ADGRG6: variants seen among roughly 807,000 people sequenced by gnomAD.
ADGRG6 encodes the protein adhesion G protein-coupled receptor G6.
Under a neutral mutation model 142.4 loss-of-function variants are expected in ADGRG6, and 84 were observed. That is an observed-to-expected ratio of 0.59 (90% CI 0.49 to 0.71). The LOEUF is 0.71. Ranked by LOEUF, ADGRG6 falls within the 30% of genes least tolerant of loss-of-function variation. The pLI is 0.00. For synonymous variants in ADGRG6, 521 were observed against 520.5 expected (o/e 1.00, Z -0.01); for missense variants, 1,367 against 1,466.6 (o/e 0.93, Z 1.11).
chr6:142,304,036 T>A (rs1684090538), intron 1 of ADGRG6, among the ~76,000 whole-genome samples: 1 of 152,152 alleles, frequency 6.6e-6, no homozygotes, highest in South Asian at 2.1e-4. Context: ...GTAAGTATAT[T>A]TTTTTCCATT....
intron 2 of ADGRG6, among the ~76,000 whole-genome samples, chr6:142,336,039 C>T (rs1388162855): frequency 6.6e-6 from 1 of 152,144 alleles, no homozygotes; most frequent in Non-Finnish European, 1.5e-5. Context: ...TTACATTAGT[C>T]AAAGTTTTGC....
chr6:142,360,491 A>C (rs1186916060), intron 2 of ADGRG6, among the ~76,000 whole-genome samples: 1 of 152,162 alleles, frequency 6.6e-6, no homozygotes. Flanking sequence ...GTAGAGCAGC[A>C]GGTATAATAA....
chr6:142,410,751 A>G (rs1776041229), intron 17 of ADGRG6, among the ~76,000 whole-genome samples: 1 of 152,144 alleles, frequency 6.6e-6, no homozygotes, highest in South Asian at 2.1e-4. Context: ...ATCTTAAAAT[A>G]TTATTTAAAT....
At chr6:142,361,465 G>T (rs982336781) in intron 2 of ADGRG6, among the ~76,000 whole-genome samples, 48 of 152,146 alleles carry the variant, frequency 3.2e-4, no homozygotes, top group African/African-American at 1.1e-3. Context: ...TGCTTGGAGA[G>T]GGCTGAGAGG....
intron 2 of ADGRG6, among the ~76,000 whole-genome samples, chr6:142,320,469 T>C (rs12189801): frequency 0.11 from 16,378 of 152,074 alleles, 1,173 homozygotes; most frequent in Non-Finnish European, 0.16. Flanking sequence ...CTGAGTAACT[T>C]AGTAGCATGA....
Position 142,444,411 on chromosome 6 carries a change from GAC to G in ADGRG6, c.*902_*903del, listed in dbSNP as rs1777890386. On this transcript the variant is annotated 3_prime_UTR_variant, in exon 25 of 25. Transcript: ENST00000367609. ...ATGCAGTGGAATTTTCCTTTTAGGAGACACACAATTAAGACTCTCTGGTTCTG... is the reference window on the plus strand; with the variant it reads ...ATGCAGTGGAATTTTCCTTTTAGGAGACACAATTAAGACTCTCTGGTTCTG... The G allele has an allele frequency of 1.3e-5, 2 of 152,156 alleles. No individual in the cohort carries two copies. Among genetic ancestry groups the G allele is most frequent in the African/African-American group, 4.8e-5 (2 of 41,436 alleles). The allele number at this position is 152,156 out of a possible 1,614,324, so 9.4% of individuals were successfully genotyped here.
At chr6:142,342,555 G>A (rs1016677065) in intron 2 of ADGRG6, among the ~76,000 whole-genome samples, 3 of 152,038 alleles carry the variant, frequency 2.0e-5, no homozygotes, top group African/African-American at 4.8e-5. Context: ...TAAATAAGGC[G>A]TTAGAAGTTT....
chr6:142,354,687 C>T (rs1408473772), intron 2 of ADGRG6, among the ~76,000 whole-genome samples: 4 of 152,238 alleles, frequency 2.6e-5, no homozygotes, highest in South Asian at 2.1e-4. Context: ...CTAAAAGGGA[C>T]GTATTACAGA....
chr6:142,396,161 G>T (rs1194814070), intron 9 of ADGRG6, among the ~76,000 whole-genome samples: 1 of 152,122 alleles, frequency 6.6e-6, no homozygotes, highest in African/African-American at 2.4e-5. Flanking sequence ...CAAGTAAAAG[G>T]TCACATTCCC....
At chr6:142,396,264 G>T (rs1423426051) in intron 9 of ADGRG6, among the ~76,000 whole-genome samples, 3 of 152,114 alleles carry the variant, frequency 2.0e-5, no homozygotes, top group Non-Finnish European at 4.4e-5. Flanking sequence ...TTTAAAAATT[G>T]TTAAGCTATC....
At chr6:142,354,139 A>T (rs1037532375) in intron 2 of ADGRG6, among the ~76,000 whole-genome samples, 3 of 152,202 alleles carry the variant, frequency 2.0e-5, no homozygotes, top group Admixed American at 6.5e-5. Flanking sequence ...AGATATTTAA[A>T]AATAATAAAT....
Position 142,338,591 on chromosome 6 carries a change from G to A in ADGRG6, c.103+28947G>A, listed in dbSNP as rs149837113. Among the ~76,000 whole-genome samples, 1,149 of 151,298 alleles carry A rather than the reference G, an allele frequency of 7.6e-3. 10 individuals are homozygous for A. Among genetic ancestry groups the A allele is most frequent in the African/African-American group, 0.024 (1,010 of 41,274 alleles). On this transcript the variant is annotated intron_variant, in intron 2 of 24. Transcript: ENST00000367609. ...AGTTAATCGATATATTATTAAATTC[G>A]TTTTAGCTATAGAACTCTTAATATG...
chr6:142,338,028 T>G lies in ADGRG6; in HGVS notation c.103+28384T>G, dbSNP rs1390400363. ...TGCCTTGTATCTTTGTTTTTTTTTT[T>G]TTTTTTTTTTGAGACGGAGTCTCGC... is the stretch of plus-strand genomic sequence containing the variant. On this transcript the variant is annotated intron_variant, in intron 2 of 24. Coordinates refer to ENST00000367609, the MANE Select transcript of ADGRG6 (RefSeq NM_198569.3). 6.9e-4 allele frequency among the ~76,000 whole-genome samples: 29 copies of G among 42,186 alleles called. 1 individual carries two copies. The South Asian group carries it at 0.027, about 40-fold the overall frequency. 27.7% of individuals were successfully genotyped at this position (42,186 alleles called of 152,430 possible). A position where few individuals can be genotyped will look rare whatever the true frequency, so the allele number is the denominator to read the frequency against.
rs1199237218 is a variant in ADGRG6 at position 142,444,312 on chromosome 6, T to G, written c.*797T>G. ...TTTAAGAATGAATCTCTTACACCTC[T>G]ACTTTTGCCCCTCTACTGTATATTA... On this transcript the variant is annotated 3_prime_UTR_variant, in exon 25 of 25. Coordinates refer to ENST00000367609, the MANE Select transcript of ADGRG6 (RefSeq NM_198569.3). The G allele has an allele frequency of 6.6e-6, 1 of 152,210 alleles. No individual in the cohort carries two copies. Among genetic ancestry groups the G allele is most frequent in the Non-Finnish European group, 1.5e-5 (1 of 68,038 alleles). The allele number at this position is 152,210 out of a possible 1,614,324, so 9.4% of individuals were successfully genotyped here.
chr6:142,413,029 T>TTATATATATA (rs139522751), intron 18 of ADGRG6, among the ~76,000 whole-genome samples: 8,682 of 150,004 alleles, frequency 0.058, 341 homozygotes, highest in East Asian at 0.18. Flanking sequence ...GAATGGTTAA[T>TTATATATATA]TATATATATA....
intron 1 of ADGRG6, among the ~76,000 whole-genome samples, chr6:142,306,886 A>T (rs527584160): frequency 9.2e-5 from 14 of 152,254 alleles, no homozygotes; most frequent in African/African-American, 3.4e-4. Context: ...AGTAAAGTGG[A>T]TGAAAGTTGG....
At chr6:142,361,764 C>A (rs1780726077) in intron 2 of ADGRG6, among the ~76,000 whole-genome samples, 1 of 151,662 alleles carries the variant, frequency 6.6e-6, no homozygotes, top group African/African-American at 2.4e-5. Context: ...TGGTGATAGA[C>A]CATGCAGTTT....
intron 22 of ADGRG6, among the ~76,000 whole-genome samples, chr6:142,430,159 C>T (rs1424348615): frequency 6.6e-6 from 1 of 152,084 alleles, no homozygotes; most frequent in East Asian, 1.9e-4. Flanking sequence ...ATCTCACATC[C>T]CTGAAGTTAT....
intron 2 of ADGRG6, among the ~76,000 whole-genome samples, chr6:142,360,678 A>G (rs1408835370): frequency 6.6e-6 from 1 of 151,986 alleles, no homozygotes; most frequent in East Asian, 1.9e-4. Context: ...ATTTTTATTG[A>G]GACACAGTTT....
Sources: gnomAD v4.1 joint callset for allele counts (sites outside exome capture counted in the v4.1 genomes callset) on GRCh38, gnomAD v4.1.1 for gene constraint, MANE v1.5 for transcripts, NCBI Gene and HGNC (gene_info 2026-07-23, HGNC 2026-07-21) for gene names.